The following CCDC7 variants were observed in gnomAD, a reference collection of about 807,000 sequenced individuals.
CCDC7 encodes coiled-coil domain containing 7.
CCDC7 carries 183 observed loss-of-function variants against 196.9 expected under a neutral mutation model. The ratio of observed to expected loss-of-function variants is 0.93; its 90% CI spans 0.82 to 1.05. The LOEUF (loss-of-function observed/expected upper bound fraction) is 1.05. CCDC7 is among the 50% of genes least tolerant of loss of function. The pLI, the probability that CCDC7 is intolerant of heterozygous loss-of-function variation, is 0.00. For synonymous variants in CCDC7, 525 were observed against 484.6 expected (o/e 1.08, Z -1.10); for missense variants, 1,540 against 1,482.2 (o/e 1.04, Z -0.64).
At chr10:32,612,361 GCAA>G (rs1249049206) in intron 18 of CCDC7, among the ~76,000 whole-genome samples, 6 of 19,824 alleles carry the variant, frequency 3.0e-4, no homozygotes, top group Non-Finnish European at 7.5e-3. Context: ...CATGTCATCT[GCAA>G]CAGAGAGAAT....
chr10:32,664,146 G>C (rs1194087326), exon 21 of CCDC7: 1 of 395,880 alleles, frequency 2.5e-6, no homozygotes, highest in African/African-American at 2.1e-5. Flanking sequence ...ATCTTTCCAA[G>C]ATAATCAACT....
chr10:32,770,358 A>T (rs1289664465), intron 28 of CCDC7, among the ~76,000 whole-genome samples: 3 of 152,040 alleles, frequency 2.0e-5, no homozygotes, highest in Admixed American at 2.0e-4. Flanking sequence ...TTCCATCTTA[A>T]TTTCGTTATT....
chr10:32,674,708 A>G (rs2074630146), intron 21 of CCDC7, among the ~76,000 whole-genome samples: 1 of 151,932 alleles, frequency 6.6e-6, no homozygotes, highest in Admixed American at 6.6e-5. Flanking sequence ...ACCTATTATT[A>G]CTTTTCTTAT....
chr10:32,641,572 T>G (rs1486313924), intron 20 of CCDC7, among the ~76,000 whole-genome samples: 2 of 152,206 alleles, frequency 1.3e-5, no homozygotes, highest in Non-Finnish European at 2.9e-5. Flanking sequence ...TTTCAAAGTT[T>G]TTAACTCCTT....
chr10:32,564,996 A>T (rs1207176924), intron 13 of CCDC7, among the ~76,000 whole-genome samples: 1 of 152,118 alleles, frequency 6.6e-6, no homozygotes, highest in Non-Finnish European at 1.5e-5. Context: ...AAATAAAATA[A>T]GTTAACAAAT....
chr10:32,851,267 C>T (rs940836368), intron 39 of CCDC7, among the ~76,000 whole-genome samples: 7 of 151,972 alleles, frequency 4.6e-5, no homozygotes, highest in East Asian at 1.9e-4. Context: ...TTGTATGTTA[C>T]GTTTTTATTT....
intron 18 of CCDC7, among the ~76,000 whole-genome samples, chr10:32,593,728 AG>A (rs1430945554): frequency 1.3e-5 from 2 of 152,168 alleles, no homozygotes; most frequent in East Asian, 3.8e-4. Context: ...TTTTTGTATA[AG>A]GTGTAAGGAA....
At chr10:32,778,907 G>A in intron 28 of CCDC7, 70 bp from the exon 30 acceptor site, 1 of 1,066,450 alleles carries the variant, frequency 9.4e-7, no homozygotes, top group Non-Finnish European at 1.4e-6. Flanking sequence ...TTGGTTACAT[G>A]CATTGCTAGG....
chr10:32,861,965 G>T (rs1223005006), intron 41 of CCDC7, among the ~76,000 whole-genome samples: 1 of 152,182 alleles, frequency 6.6e-6, no homozygotes, highest in Non-Finnish European at 1.5e-5. Context: ...TACACTGCTG[G>T]TGGGACTGTA....
intron 13 of CCDC7, among the ~76,000 whole-genome samples, chr10:32,557,350 A>G (rs1365416603): frequency 2.0e-5 from 3 of 151,850 alleles, no homozygotes; most frequent in Non-Finnish European, 4.4e-5. Flanking sequence ...GTAAATATCA[A>G]CTTGGGCAGC....
At chr10:32,631,132 C>T (rs1169780836) in intron 18 of CCDC7, among the ~76,000 whole-genome samples, 3 of 152,126 alleles carry the variant, frequency 2.0e-5, no homozygotes, top group Non-Finnish European at 4.4e-5. Flanking sequence ...ATGATGGTGT[C>T]ATTTGAAGCA....
chr10:32,469,480 G>A (rs2037500037), intron 5 of CCDC7, among the ~76,000 whole-genome samples: 1 of 152,194 alleles, frequency 6.6e-6, no homozygotes, highest in South Asian at 2.1e-4. Context: ...GGTGGAGCTC[G>A]AACTCACTGG....
intron 28 of CCDC7, among the ~76,000 whole-genome samples, chr10:32,735,118 A>T (rs973201216): frequency 1.3e-5 from 2 of 152,208 alleles, no homozygotes; most frequent in Non-Finnish European, 2.9e-5. Context: ...CCACAAAAAG[A>T]GTCCAACGAT....
intron 8 of CCDC7, among the ~76,000 whole-genome samples, chr10:32,479,132 C>T (rs969483858): frequency 3.3e-5 from 5 of 151,994 alleles, no homozygotes; most frequent in African/African-American, 7.2e-5. Context: ...TCCATGTGGT[C>T]GGTAGGGATG....
intron 30 of CCDC7, 100 bp downstream of exon 31, chr10:32,805,198 A>T (rs554414102): frequency 7.5e-6 from 6 of 804,174 alleles, no homozygotes; most frequent in East Asian, 7.4e-5. Flanking sequence ...TGTTATTATG[A>T]CATGGGCACA....
intron 20 of CCDC7, among the ~76,000 whole-genome samples, chr10:32,645,873 C>T (rs985211817): frequency 2.0e-5 from 3 of 152,074 alleles, no homozygotes; most frequent in Non-Finnish European, 4.4e-5. Flanking sequence ...TCTGTGGCAT[C>T]AGCTGCAATG....
At chr10:32,623,219 G>A (rs533808917) in intron 18 of CCDC7, among the ~76,000 whole-genome samples, 1 of 152,030 alleles carries the variant, frequency 6.6e-6, no homozygotes, top group Non-Finnish European at 1.5e-5. Flanking sequence ...GTGAATTCAG[G>A]AATTCCTTTT....
chr10:32,712,329 AATC>A (rs1345577505), intron 25 of CCDC7, among the ~76,000 whole-genome samples: 2 of 152,196 alleles, frequency 1.3e-5, no homozygotes, highest in African/African-American at 2.4e-5. Flanking sequence ...AAGCATCGAC[AATC>A]ATCATCTCTG....
At chr10:32,494,194 A>C (rs1227819679) in intron 9 of CCDC7, among the ~76,000 whole-genome samples, 1 of 152,068 alleles carries the variant, frequency 6.6e-6, no homozygotes, top group South Asian at 2.1e-4. Context: ...TTTTTAATTC[A>C]TTTTGGGTCT....
Sources: allele counts gnomAD v4.1 joint callset (sites outside exome capture counted in the v4.1 genomes callset), GRCh38; gene constraint gnomAD v4.1.1; transcripts MANE v1.5; gene names NCBI Gene and HGNC (gene_info 2026-07-23, HGNC 2026-07-21).